Variants in TIAM1 observed in about 807,000 individuals in gnomAD.
The protein encoded by TIAM1 is TIAM Rac1 associated GEF 1.
Under a neutral mutation model 163.5 loss-of-function variants are expected in TIAM1, and 65 were observed. The observed-to-expected ratio is 0.40, with a 90% CI of 0.33 to 0.49. TIAM1 has a LOEUF of 0.49. Ranked by LOEUF, TIAM1 falls within the 20% of genes least tolerant of loss-of-function variation. TIAM1 has a pLI of 0.77. For synonymous variants in TIAM1, 833 were observed against 810.1 expected (o/e 1.03, Z -0.48); for missense variants, 1,789 against 2,044.7 (o/e 0.87, Z 2.41).
At chr21:31,374,259 T>C (rs766900107) in intron 2 of TIAM1, among the ~76,000 whole-genome samples, 3 of 152,082 alleles carry the variant, frequency 2.0e-5, no homozygotes, top group Non-Finnish European at 2.9e-5. Flanking sequence ...ATAAAACAGA[T>C]ACTGGGTGCT....
intron 2 of TIAM1, among the ~76,000 whole-genome samples, chr21:31,419,011 G>T (rs1182268509): frequency 1.3e-5 from 2 of 152,008 alleles, no homozygotes; most frequent in African/African-American, 2.4e-5. Context: ...ACCTCCCATG[G>T]TCTCCACGAG....
rs929998338 is a variant in TIAM1 at position 31,556,534 on chromosome 21, A to AG, written c.-422+2392dup. ...CAGGCAAAAGGGTGTTAAAACAGGA[A>AG]GTTTTTTTTTTTCAATAAAATCTTT... On this transcript the variant is annotated intron_variant, in intron 1 of 28. Coordinates refer to the TIAM1 transcript ENST00000286827. 4.8e-5 allele frequency among the ~76,000 whole-genome samples: 7 copies of AG among 146,220 alleles called. No homozygotes were observed. The East Asian group carries it at 9.8e-4, about 21-fold the overall frequency.
chr21:31,403,158 A>C (rs996380823), intron 2 of TIAM1, among the ~76,000 whole-genome samples: 3 of 151,886 alleles, frequency 2.0e-5, no homozygotes, highest in African/African-American at 7.2e-5. Context: ...ATACTTTTTT[A>C]TTTTTTTAAG....
At chr21:31,289,730 T>C (rs2073943540) in intron 2 of TIAM1, among the ~76,000 whole-genome samples, 2 of 152,188 alleles carry the variant, frequency 1.3e-5, no homozygotes, top group African/African-American at 4.8e-5. Context: ...ATAATCAGCC[T>C]CTTTTAATAT....
intron 2 of TIAM1, among the ~76,000 whole-genome samples, chr21:31,375,603 CT>C (rs1439762345): frequency 3.3e-5 from 5 of 152,058 alleles, no homozygotes; most frequent in African/African-American, 9.7e-5. Context: ...ATAAGGTATG[CT>C]CATCTTCTTA....
At chr21:31,369,316 T>A (rs1010702330) in intron 2 of TIAM1, among the ~76,000 whole-genome samples, 4 of 151,788 alleles carry the variant, frequency 2.6e-5, no homozygotes, top group Non-Finnish European at 4.4e-5. Context: ...GGTGCTTTGG[T>A]CTCAATGTCT....
At chr21:31,322,741 C>T (rs981674054) in intron 2 of TIAM1, among the ~76,000 whole-genome samples, 1 of 152,254 alleles carries the variant, frequency 6.6e-6, no homozygotes, top group African/African-American at 2.4e-5. Context: ...AGTCTGTCCA[C>T]TGAATTGAGT....
At chr21:31,362,445 A>AATTATTATTATT (rs10634487) in intron 2 of TIAM1, among the ~76,000 whole-genome samples, 3,237 of 142,748 alleles carry the variant, frequency 0.023, 55 homozygotes, top group East Asian at 0.037. Flanking sequence ...ATGCAGTGAC[A>AATTATTATTATT]ATTATTATTA....
At chr21:31,500,736 G>C (rs994382806) in intron 1 of TIAM1, among the ~76,000 whole-genome samples, 1 of 152,182 alleles carries the variant, frequency 6.6e-6, no homozygotes, top group Non-Finnish European at 1.5e-5. Flanking sequence ...AAAGCTTTCA[G>C]AGAAACCACC....
At chr21:31,207,921 C>G (rs1246421429) in intron 11 of TIAM1, among the ~76,000 whole-genome samples, 1 of 152,162 alleles carries the variant, frequency 6.6e-6, no homozygotes, top group Non-Finnish European at 1.5e-5. Flanking sequence ...TGTTCCACAT[C>G]ACGTTGTTTT....
chr21:31,279,659 G>A (rs186230160), intron 2 of TIAM1, among the ~76,000 whole-genome samples: 27 of 152,302 alleles, frequency 1.8e-4, no homozygotes, highest in Non-Finnish European at 3.2e-4. Flanking sequence ...GGGTTGTCAT[G>A]AGCATTAAAT....
rs151002464 is a variant in TIAM1, at chr21:31,219,560, A to G, written c.1996-1861T>C. Among the ~76,000 whole-genome samples the G allele has an allele frequency of 7.2e-3, 1,098 of 152,340 alleles. 8 individuals carry two copies. Among genetic ancestry groups the G allele is most frequent in the Admixed American group, 0.01 (156 of 15,308 alleles). On this transcript the variant is annotated intron_variant, in intron 8 of 27. Transcript: ENST00000541036. ...TCTGGGGCTTCAGTACTGACAATGT[A>G]AACACCGCAGAAGCCCCACGGGTGG...
intron 6 of TIAM1, among the ~76,000 whole-genome samples, chr21:31,240,466 G>C (rs2071107217): frequency 6.6e-6 from 1 of 152,134 alleles, no homozygotes; most frequent in Non-Finnish European, 1.5e-5. Context: ...ATGAAAACCA[G>C]CTGTGTAGCA....
At chr21:31,427,461 T>TG (rs1451095154) in intron 2 of TIAM1, among the ~76,000 whole-genome samples, 1 of 151,864 alleles carries the variant, frequency 6.6e-6, no homozygotes, top group African/African-American at 2.4e-5. Context: ...CACTCCAGCC[T>TG]GGGGGACAGA....
chr21:31,392,772 T>C (rs1336994890), intron 2 of TIAM1, among the ~76,000 whole-genome samples: 2 of 151,778 alleles, frequency 1.3e-5, no homozygotes, highest in African/African-American at 4.8e-5. Flanking sequence ...CTTGCTCTGT[T>C]AGTTCAAGTG....
chr21:31,362,300 A>T (rs904656973), intron 2 of TIAM1, among the ~76,000 whole-genome samples: 1 of 151,968 alleles, frequency 6.6e-6, no homozygotes, highest in African/African-American at 2.4e-5. Context: ...GGACATGACA[A>T]TTCCAGCCCA....
At chr21:31,508,244 C>T (rs539021382) in intron 1 of TIAM1, among the ~76,000 whole-genome samples, 2 of 152,126 alleles carry the variant, frequency 1.3e-5, no homozygotes, top group South Asian at 2.1e-4. Context: ...TTGACGCTTC[C>T]CCTCCATGGT....
intron 1 of TIAM1, among the ~76,000 whole-genome samples, chr21:31,487,329 T>C (rs987979805): frequency 4.6e-5 from 7 of 152,152 alleles, no homozygotes; most frequent in African/African-American, 1.7e-4. Context: ...CTAAGCAACT[T>C]ATGACATCCA....
intron 2 of TIAM1, among the ~76,000 whole-genome samples, chr21:31,431,848 G>A (rs969796140): frequency 9.9e-5 from 15 of 152,056 alleles, no homozygotes; most frequent in Admixed American, 2.6e-4. Flanking sequence ...TGAGATCACC[G>A]TCATATATGC....
Sources: gnomAD v4.1 joint callset for allele counts (sites outside exome capture counted in the v4.1 genomes callset) on GRCh38, gnomAD v4.1.1 for gene constraint, MANE v1.5 for transcripts, NCBI Gene and HGNC (gene_info 2026-07-23, HGNC 2026-07-21) for gene names.